EFHD1: variants seen among roughly 807,000 people sequenced by gnomAD.
EFHD1 encodes the protein EF-hand domain family member D1, also known as EF-hand domain-containing protein D1.
EFHD1 carries 10 observed loss-of-function variants against 17.2 expected under a neutral mutation model. The ratio of observed to expected loss-of-function variants is 0.58; its 90% CI spans 0.36 to 0.99. EFHD1 has a LOEUF of 0.99. Ranked by LOEUF, EFHD1 falls within the 50% of genes least tolerant of loss-of-function variation. The pLI is 0.01. For synonymous variants in EFHD1, 153 were observed against 142.0 expected, an observed-to-expected ratio of 1.08 and a Z score of -0.55; for missense variants, 310 against 327.5, an observed-to-expected ratio of 0.95 and a Z score of 0.41.
At chr2:232,679,396 C>CT (rs142540466) in intron 3 of EFHD1, among the ~76,000 whole-genome samples, 69 of 148,692 alleles carry the variant, frequency 4.6e-4, no homozygotes, top group Middle Eastern at 3.4e-3. Flanking sequence ...ATTCTTTTAT[C>CT]TTTTTTTTTT....
At chr2:232,678,907 G>A (rs1452310982) in intron 3 of EFHD1, among the ~76,000 whole-genome samples, 3 of 152,210 alleles carry the variant, frequency 2.0e-5, no homozygotes, top group African/African-American at 7.2e-5. Context: ...CTATGCACTT[G>A]TGAAGATAAA....
At chr2:232,607,729 G>A (rs775195982) in intron 1 of EFHD1, among the ~76,000 whole-genome samples, 72 of 152,036 alleles carry the variant, frequency 4.7e-4, no homozygotes, top group African/African-American at 1.6e-3. Context: ...ACTCCAGCCT[G>A]GGCAACAGAG....
chr2:232,628,670 A>C (rs79385064), upstream of EFHD1, among the ~76,000 whole-genome samples: 12,702 of 152,242 alleles, frequency 0.083, 711 homozygotes, highest in Middle Eastern at 0.13. Context: ...TCAATTCCGC[A>C]GGGATTTGAG....
chr2:232,679,779 G>A (rs901311887), intron 3 of EFHD1, among the ~76,000 whole-genome samples: 7 of 150,246 alleles, frequency 4.7e-5, no homozygotes, highest in African/African-American at 1.7e-4. Context: ...ATAGAAACGT[G>A]GGCAAAGGAT....
chr2:232,673,586 C>G (rs1695117522), intron 3 of EFHD1, among the ~76,000 whole-genome samples: 4 of 152,160 alleles, frequency 2.6e-5, no homozygotes, highest in Admixed American at 1.3e-4. Flanking sequence ...CATCCAGACC[C>G]ACATTGAAGA....
chr2:232,654,322 G>C (rs768000623), intron 1 of EFHD1, among the ~76,000 whole-genome samples: 8 of 151,748 alleles, frequency 5.3e-5, no homozygotes, highest in East Asian at 1.9e-4. Flanking sequence ...AACGTTGCAG[G>C]CTTTGGGGCC....
intron 2 of EFHD1, among the ~76,000 whole-genome samples, chr2:232,669,620 A>G (rs1395176479): frequency 1.5e-5 from 1 of 66,716 alleles, no homozygotes; most frequent in Non-Finnish European, 3.4e-5. Flanking sequence ...TTTTTTTTTT[A>G]GACAGAGTCT....
intron 1 of EFHD1, among the ~76,000 whole-genome samples, chr2:232,647,270 G>A (rs969761333): frequency 2.6e-5 from 4 of 152,248 alleles, no homozygotes; most frequent in Non-Finnish European, 4.4e-5. Context: ...GCAGCAGTGG[G>A]TGGAGAGGAA....
At chr2:232,645,681 AC>A (rs1441819067) in intron 1 of EFHD1, among the ~76,000 whole-genome samples, 1 of 152,110 alleles carries the variant, frequency 6.6e-6, no homozygotes, top group Non-Finnish European at 1.5e-5. Flanking sequence ...ATGCCACCTA[AC>A]AGCCCCACTG....
intron 1 of EFHD1, among the ~76,000 whole-genome samples, chr2:232,654,013 C>A (rs1302926360): frequency 6.6e-6 from 1 of 151,982 alleles, no homozygotes; most frequent in Non-Finnish European, 1.5e-5. Context: ...TCGAGACCAG[C>A]CTGACCAACA....
upstream of EFHD1, chr2:232,633,540 C>G (rs889384334): frequency 2.3e-6 from 3 of 1,284,578 alleles, no homozygotes; most frequent in African/African-American, 4.7e-5. Context: ...AGCTCCGCCC[C>G]GACCGCCCCG....
chr2:232,658,168 G>A (rs1452804594), intron 1 of EFHD1, among the ~76,000 whole-genome samples: 2 of 151,912 alleles, frequency 1.3e-5, no homozygotes, highest in South Asian at 2.1e-4. Context: ...CTCACAAAGT[G>A]CTGGGATTAT....
intron 1 of EFHD1, among the ~76,000 whole-genome samples, chr2:232,636,089 C>G (rs184809095): frequency 1.3e-5 from 2 of 152,284 alleles, no homozygotes; most frequent in African/African-American, 4.8e-5. Flanking sequence ...GCGTTGTCCC[C>G]GTTCTCAGAT....
In EFHD1 at chr2:232,663,012, A is replaced by C. The variant is rs569344599; in HGVS notation, c.450+63A>C. On this transcript the variant is annotated intron_variant, in intron 2 of 3. Transcript: ENST00000264059. ...CCCCTGAGAGGACCTTCAGGTGTAC[A>C]GCCCACTGGAGCACAAATGGGTTTG... 53 of 1,465,930 alleles carry C rather than the reference A, an allele frequency of 3.6e-5. 1 individual carries two copies. In the East Asian group the frequency reaches 8.9e-4, roughly 25 times the overall value. The allele number at this position is 1,465,930 out of a possible 1,614,324, so 90.8% of individuals were successfully genotyped here. A position where few individuals can be genotyped will look rare whatever the true frequency, so the allele number is the denominator to read the frequency against.
intron 1 of EFHD1, among the ~76,000 whole-genome samples, chr2:232,659,123 A>T (rs1694813716): frequency 6.6e-6 from 1 of 151,962 alleles, no homozygotes; most frequent in Non-Finnish European, 1.5e-5. Flanking sequence ...CAGATCTGGA[A>T]CACCTGTCTC....
At position 232,681,764 on chromosome 2, in the gene EFHD1, C is replaced by G. The variant is rs1376998966; in HGVS notation, c.*45C>G. ...TGCCCACAGCTGTGCCTCACAGATG[C>G]CCCGAGAAGAGATGACTAGGCATCT... is the stretch of plus-strand genomic sequence containing the variant. On this transcript the variant is annotated 3_prime_UTR_variant, in exon 4 of 4. Transcript: ENST00000264059. 2 of 1,593,960 alleles carry G rather than the reference C, an allele frequency of 1.3e-6. No homozygotes were observed. Among genetic ancestry groups the G allele is most frequent in the East Asian group, 4.5e-5 (2 of 44,276 alleles).
intron 1 of EFHD1, among the ~76,000 whole-genome samples, chr2:232,657,894 C>CTTTTTT (rs1165865773): frequency 2.5e-5 from 3 of 118,682 alleles, no homozygotes; most frequent in Non-Finnish European, 5.5e-5. Context: ...ATTTTTCTTT[C>CTTTTTT]TTTTCTTTTT....
intron 1 of EFHD1, among the ~76,000 whole-genome samples, chr2:232,646,436 C>CTTTTTTTT (rs71398729): frequency 8.9e-5 from 6 of 67,138 alleles, no homozygotes; most frequent in East Asian, 3.7e-4. Flanking sequence ...CTCTTCTCTT[C>CTTTTTTTT]TTTTTTTTTT....
chr2:232,668,497 G>A (rs974591665), intron 2 of EFHD1, among the ~76,000 whole-genome samples: 4 of 152,104 alleles, frequency 2.6e-5, no homozygotes, highest in South Asian at 2.1e-4. Context: ...AAGCCCGTCC[G>A]TAAACTGTCA....
Sources: gnomAD v4.1 joint callset for allele counts (sites outside exome capture counted in the v4.1 genomes callset) on GRCh38, gnomAD v4.1.1 for gene constraint, MANE v1.5 for transcripts, NCBI Gene and HGNC (gene_info 2026-07-23, HGNC 2026-07-21) for gene names.